The following SYN3 variants were observed in gnomAD, a reference collection of about 807,000 sequenced individuals.
The protein encoded by SYN3 is synapsin-3.
SYN3 carries 35 observed loss-of-function variants against 65.8 expected under a neutral mutation model. The ratio of observed to expected loss-of-function variants is 0.53; its 90% CI spans 0.41 to 0.70. The LOEUF is 0.70. SYN3 is among the 30% of genes least tolerant of loss of function. SYN3 has a pLI of 0.00. For synonymous variants in SYN3, 270 were observed against 292.9 expected (o/e 0.92, Z 0.80); for missense variants, 680 against 749.0 (o/e 0.91, Z 1.08).
chr22:32,568,028 A>T (rs1038821189), intron 7 of SYN3, among the ~76,000 whole-genome samples: 3 of 152,184 alleles, frequency 2.0e-5, no homozygotes, highest in African/African-American at 7.2e-5. Flanking sequence ...CAGCTGCATA[A>T]AGTCCTCTGG....
intron 3 of SYN3, among the ~76,000 whole-genome samples, chr22:32,968,988 G>A (rs985871110): frequency 6.6e-6 from 1 of 152,178 alleles, no homozygotes; most frequent in African/African-American, 2.4e-5. Flanking sequence ...AGAAGTGAAA[G>A]GGCTTACTAA....
At chr22:33,017,516 C>T (rs1370440606) in intron 1 of SYN3, among the ~76,000 whole-genome samples, 2 of 152,158 alleles carry the variant, frequency 1.3e-5, no homozygotes, top group Non-Finnish European at 2.9e-5. Context: ...GGATACCTTT[C>T]CATTTATTTG....
chr22:32,690,193 A>C (rs1232553835), intron 6 of SYN3, among the ~76,000 whole-genome samples: 1 of 152,114 alleles, frequency 6.6e-6, no homozygotes, highest in Non-Finnish European at 1.5e-5. Context: ...AAAAAGGCCC[A>C]AGAGAGATCC....
chr22:32,779,920 C>A (rs1301934706), intron 6 of SYN3, among the ~76,000 whole-genome samples: 2 of 151,964 alleles, frequency 1.3e-5, no homozygotes, highest in South Asian at 4.2e-4. Context: ...GAACAAAGCG[C>A]TCCCTTTTAT....
intron 6 of SYN3, among the ~76,000 whole-genome samples, chr22:32,826,246 T>C (rs2047408586): frequency 1.3e-5 from 2 of 152,094 alleles, no homozygotes; most frequent in South Asian, 4.1e-4. Context: ...CTGGTCAACA[T>C]GGTGAAACTC....
Position 32,643,455 on chromosome 22 carries a change from G to A in SYN3, c.712-46719C>T, listed in dbSNP as rs79856343. 1.5e-3 allele frequency among the ~76,000 whole-genome samples: 228 copies of A among 147,966 alleles called. 2 individuals are homozygous for A. The East Asian group carries it at 0.04, about 26-fold the overall frequency. ...CGTTGCCACCTAATCTCGCCCCACAGGGGTCAACTTAAGCCTTCTGCCAAA... is the reference window on the plus strand; with the variant it reads ...CGTTGCCACCTAATCTCGCCCCACAAGGGTCAACTTAAGCCTTCTGCCAAA... On this transcript the variant is annotated intron_variant, in intron 6 of 13. Transcript: ENST00000358763.
chr22:32,854,674 T>C (rs775904514), intron 6 of SYN3, among the ~76,000 whole-genome samples: 15 of 152,136 alleles, frequency 9.9e-5, no homozygotes, highest in African/African-American at 1.7e-4. Context: ...ACCATTCACA[T>C]AGAAGAAGTC....
intron 5 of SYN3, among the ~76,000 whole-genome samples, chr22:32,868,241 TATAAC>T (rs773724686): frequency 5.9e-5 from 9 of 151,960 alleles, no homozygotes; most frequent in Non-Finnish European, 1.2e-4. Flanking sequence ...TGACTAATAT[TATAAC>T]ATAACACCAT....
At chr22:32,730,319 C>A (rs953616795) in intron 6 of SYN3, among the ~76,000 whole-genome samples, 1 of 152,186 alleles carries the variant, frequency 6.6e-6, no homozygotes, top group Non-Finnish European at 1.5e-5. Context: ...AATTGGTTCC[C>A]ATCACTTCGA....
chr22:32,507,863 A>G lies in SYN3; in HGVS notation c.*5829T>C, dbSNP rs2057647448. Among the ~76,000 whole-genome samples, 1 of 151,960 alleles carries G rather than the reference A, an allele frequency of 6.6e-6. No individual in the cohort carries two copies. The highest frequency in any genetic ancestry group is 1.5e-5 in the Non-Finnish European group (1 of 68,026). ...CTACACAACAAATGTTTCTTCTAACATCCCCACAATATCACCCCTTACCAC... is the reference window on the plus strand; with the variant it reads ...CTACACAACAAATGTTTCTTCTAACGTCCCCACAATATCACCCCTTACCAC... On this transcript the variant is annotated 3_prime_UTR_variant, in exon 14 of 14. Transcript: ENST00000358763.
At chr22:32,867,220 C>T (rs1279454558) in intron 5 of SYN3, among the ~76,000 whole-genome samples, 1 of 152,216 alleles carries the variant, frequency 6.6e-6, no homozygotes, top group Non-Finnish European at 1.5e-5. Flanking sequence ...CTACATACCC[C>T]AAGCCTCCAC....
intron 7 of SYN3, among the ~76,000 whole-genome samples, chr22:32,586,054 G>A (rs62232736): frequency 0.01 from 1,247 of 123,712 alleles, 44 homozygotes; most frequent in African/African-American, 0.039. Context: ...GTATATATGT[G>A]TATATGTATA....
intron 6 of SYN3, among the ~76,000 whole-genome samples, chr22:32,719,137 G>A (rs1270713044): frequency 1.3e-5 from 2 of 152,094 alleles, no homozygotes; most frequent in African/African-American, 4.8e-5. Context: ...TGGGGAGGAG[G>A]GGATCCTCTA....
At chr22:33,033,170 CG>C (rs2053785345) in intron 1 of SYN3, among the ~76,000 whole-genome samples, 1 of 151,888 alleles carries the variant, frequency 6.6e-6, no homozygotes, top group African/African-American at 2.4e-5. Flanking sequence ...TTAGTAGAGA[CG>C]GGGTTTCACC....
At chr22:32,664,216 T>C (rs1209035426) in intron 6 of SYN3, among the ~76,000 whole-genome samples, 1 of 152,218 alleles carries the variant, frequency 6.6e-6, no homozygotes, top group Non-Finnish European at 1.5e-5. Flanking sequence ...ATGTGTGCTC[T>C]TCCTTCTGTC....
chr22:32,952,003 C>T (rs981355161), intron 3 of SYN3, among the ~76,000 whole-genome samples: 2 of 152,228 alleles, frequency 1.3e-5, no homozygotes. Flanking sequence ...CTTCCCGGCA[C>T]AGGCTGTATT....
intron 6 of SYN3, among the ~76,000 whole-genome samples, chr22:32,618,784 G>A (rs2059555701): frequency 6.6e-6 from 1 of 152,146 alleles, no homozygotes; most frequent in Admixed American, 6.5e-5. Flanking sequence ...AGGAAAGGAA[G>A]CCCCTACCTT....
intron 7 of SYN3, among the ~76,000 whole-genome samples, chr22:32,586,007 TGTATAC>T (rs1350835738): frequency 5.0e-5 from 7 of 141,170 alleles, no homozygotes; most frequent in South Asian, 2.2e-4. Context: ...TATGTATGTA[TGTATAC>T]GTATATATGT....
At chr22:32,721,938 G>A (rs889790476) in intron 6 of SYN3, among the ~76,000 whole-genome samples, 10 of 152,190 alleles carry the variant, frequency 6.6e-5, no homozygotes, top group Non-Finnish European at 2.9e-5. Context: ...AACATCTGAG[G>A]GTAAAGCCTT....
Sources: gnomAD v4.1 joint callset for allele counts (sites outside exome capture counted in the v4.1 genomes callset) on GRCh38, gnomAD v4.1.1 for gene constraint, MANE v1.5 for transcripts, NCBI Gene and HGNC (gene_info 2026-07-23, HGNC 2026-07-21) for gene names.